The following CERKL variants were observed in gnomAD, a reference collection of about 807,000 sequenced individuals.
CERKL encodes ceramide kinase-like protein.
CERKL carries 61 observed loss-of-function variants against 63.4 expected under a neutral mutation model. The ratio of observed to expected loss-of-function variants is 0.96; its 90% CI spans 0.78 to 1.19. The LOEUF is 1.19. Ranked by LOEUF, CERKL falls within the 50% of genes most tolerant of loss-of-function variation. CERKL has a pLI of 0.00. For missense variants in CERKL, 675 were observed against 655.5 expected (o/e 1.03, Z -0.33); for synonymous variants, 250 against 230.5 (o/e 1.08, Z -0.77).
intron 3 of CERKL, among the ~76,000 whole-genome samples, chr2:181,566,719 A>T (rs1415265625): frequency 6.6e-6 from 1 of 152,128 alleles, no homozygotes; most frequent in Non-Finnish European, 1.5e-5. Flanking sequence ...CGAGGAAATG[A>T]ATCTGTCACT....
At chr2:181,648,189 C>A (rs1335574054) in intron 1 of CERKL, among the ~76,000 whole-genome samples, 1 of 151,896 alleles carries the variant, frequency 6.6e-6, no homozygotes, top group Non-Finnish European at 1.5e-5. Context: ...ACAAAGATTC[C>A]CAATTAGATT....
intron 11 of CERKL, among the ~76,000 whole-genome samples, chr2:181,544,007 A>T (rs1172765572): frequency 1.3e-5 from 2 of 151,818 alleles, no homozygotes; most frequent in South Asian, 4.2e-4. Context: ...AAAAGAAAGA[A>T]AAAGAAAAAG....
At chr2:181,632,892 T>C (rs530743390) in intron 1 of CERKL, among the ~76,000 whole-genome samples, 15 of 152,182 alleles carry the variant, frequency 9.9e-5, no homozygotes, top group Admixed American at 4.6e-4. Flanking sequence ...GTCCTACTCA[T>C]AGGGAAACTA....
intron 1 of CERKL, among the ~76,000 whole-genome samples, chr2:181,632,489 T>C (rs1303320186): frequency 6.6e-6 from 1 of 152,186 alleles, no homozygotes; most frequent in African/African-American, 2.4e-5. Context: ...GATGATATAA[T>C]TGACTTATTA....
intron 2 of CERKL, chr2:181,602,996 T>G (rs1381585527): frequency 6.3e-6 from 1 of 159,706 alleles, no homozygotes; most frequent in Non-Finnish European, 1.4e-5. Flanking sequence ...TTTGTACTTA[T>G]GAATTTTATT....
rs147159114 is a variant in CERKL, at chr2:181,575,123, C to A, written c.482-1239G>T. ...AGCCACTTGCTTCCATGCCTTCTCCCTTCTCCCACTGATGTCCTCTGACTT... is the reference window on the plus strand; with the variant it reads ...AGCCACTTGCTTCCATGCCTTCTCCATTCTCCCACTGATGTCCTCTGACTT... On this transcript the variant is annotated intron_variant, in intron 2 of 12. Coordinates refer to ENST00000410087, the MANE Select transcript of CERKL (RefSeq NM_201548.5). Among the ~76,000 whole-genome samples, 120 of 152,300 alleles carry A rather than the reference C, an allele frequency of 7.9e-4. 1 individual carries two copies. The highest frequency in any genetic ancestry group is 2.8e-3 in the African/African-American group (116 of 41,560).
At chr2:181,566,378 G>T (rs1471313596) in intron 3 of CERKL, among the ~76,000 whole-genome samples, 1 of 152,154 alleles carries the variant, frequency 6.6e-6, no homozygotes, top group Non-Finnish European at 1.5e-5. Flanking sequence ...ACGCATAGTG[G>T]TTACCCAATT....
Position 181,536,786 on chromosome 2 carries a change from T to C in CERKL, c.*1398A>G. The C allele has an allele frequency of 8.1e-6, 2 of 247,642 alleles. No homozygotes were observed. The highest frequency in any genetic ancestry group is 9.2e-5 in the South Asian group (2 of 21,740). The allele number at this position is 247,642 out of a possible 1,614,324, so 15.3% of individuals were successfully genotyped here. A position where few individuals can be genotyped will look rare whatever the true frequency, so the allele number is the denominator to read the frequency against. ...TAAATACAATCATTTTTGTAATATTTATTTTATGCTTATGATCTAGATAAT... is the reference window on the plus strand; with the variant it reads ...TAAATACAATCATTTTTGTAATATTCATTTTATGCTTATGATCTAGATAAT... On this transcript the variant is annotated 3_prime_UTR_variant, in exon 13 of 13. Coordinates refer to ENST00000410087, the MANE Select transcript of CERKL (RefSeq NM_201548.5).
At chr2:181,578,256 GT>G (rs60260063) in intron 2 of CERKL, among the ~76,000 whole-genome samples, 55,075 of 151,342 alleles carry the variant, frequency 0.36, 10,294 homozygotes, top group African/African-American at 0.43. Context: ...ATATATGTGT[GT>G]GGGGGGGTAT....
intron 11 of CERKL, among the ~76,000 whole-genome samples, chr2:181,543,090 T>C (rs1393865744): frequency 6.6e-6 from 1 of 152,162 alleles, no homozygotes; most frequent in African/African-American, 2.4e-5. Flanking sequence ...ATGAATGAGG[T>C]TAATACTTAC....
intron 3 of CERKL, among the ~76,000 whole-genome samples, chr2:181,568,259 G>A (rs1688747849): frequency 1.3e-5 from 2 of 152,218 alleles, no homozygotes; most frequent in African/African-American, 4.8e-5. Flanking sequence ...ATACTGAAAT[G>A]TCATTTTCTT....
chr2:181,642,453 CATT>C (rs1687484378), intron 1 of CERKL, among the ~76,000 whole-genome samples: 1 of 152,118 alleles, frequency 6.6e-6, no homozygotes, highest in South Asian at 2.1e-4. Context: ...TATTTTTGCA[CATT>C]ATCTTTTAAA....
At chr2:181,562,468 G>T (rs1163747877) in intron 4 of CERKL, among the ~76,000 whole-genome samples, 4 of 152,054 alleles carry the variant, frequency 2.6e-5, no homozygotes, top group African/African-American at 9.7e-5. Flanking sequence ...TTTACAGTTT[G>T]GTTTTTTTCA....
chr2:181,547,824 G>A lies in CERKL; in HGVS notation c.1157C>T (p.Ser386Phe). 3 of 1,614,002 alleles carry A rather than the reference G, an allele frequency of 1.9e-6. No individual in the cohort carries two copies. The highest frequency in any genetic ancestry group is 2.2e-5 in the East Asian group (1 of 44,874). ...QERRAQGSPK[S>F]DCNDQWQMIQ... ...CAAGGAGATACTTTTCGACTCACCAGATTTGGGAGATCCCTGTGCCCTCCT... is the reference window on the plus strand; with the variant it reads ...CAAGGAGATACTTTTCGACTCACCAAATTTGGGAGATCCCTGTGCCCTCCT... The change falls in exon 9 of 13, where the codon TCT (serine) becomes TTT (phenylalanine). Residue 386 changes from serine (S) to phenylalanine (F), a missense_variant and splice_region_variant. Physicochemically the swap from Ser to Phe is radical, Grantham distance 155 (BLOSUM62 -2). Transcript: ENST00000410087.
chr2:181,576,879 G>A (rs1183738263), intron 2 of CERKL, among the ~76,000 whole-genome samples: 1 of 152,234 alleles, frequency 6.6e-6, no homozygotes, highest in African/African-American at 2.4e-5. Context: ...GGGAAAGTAA[G>A]GACTTAAGAT....
intron 1 of CERKL, among the ~76,000 whole-genome samples, chr2:181,653,690 C>T (rs563493631): frequency 6.6e-6 from 1 of 152,206 alleles, no homozygotes; most frequent in African/African-American, 2.4e-5. Flanking sequence ...GAATCTTTTT[C>T]TATTATAAAA....
intron 12 of CERKL, among the ~76,000 whole-genome samples, chr2:181,538,683 C>A (rs1687331359): frequency 6.6e-6 from 1 of 152,086 alleles, no homozygotes; most frequent in Non-Finnish European, 1.5e-5. Flanking sequence ...CTGAACAAAA[C>A]ATGTTACAGT....
chr2:181,589,767 T>C (rs1345813307), intron 2 of CERKL, among the ~76,000 whole-genome samples: 2 of 152,104 alleles, frequency 1.3e-5, no homozygotes, highest in African/African-American at 4.8e-5. Flanking sequence ...CTTACTACAA[T>C]GCAAAAGCCA....
intron 1 of CERKL, among the ~76,000 whole-genome samples, chr2:181,622,132 A>C (rs114842744): frequency 1.5e-3 from 224 of 152,330 alleles, no homozygotes; most frequent in African/African-American, 5.0e-3. Flanking sequence ...ATTTTTAAGA[A>C]ATCACAATCA....
Sources: gnomAD v4.1 joint callset for allele counts (sites outside exome capture counted in the v4.1 genomes callset) on GRCh38, gnomAD v4.1.1 for gene constraint, MANE v1.5 for transcripts, NCBI Gene and HGNC (gene_info 2026-07-23, HGNC 2026-07-21) for gene names.